CCDC39: variants seen among roughly 807,000 people sequenced by gnomAD.
CCDC39 encodes the protein coiled-coil domain-containing protein 39.
In CCDC39, 113 loss-of-function variants were observed where a neutral mutation model predicts 121.0. The ratio of observed to expected loss-of-function variants is 0.93; its 90% CI spans 0.80 to 1.09. The LOEUF (loss-of-function observed/expected upper bound fraction) is 1.09. Ranked by LOEUF, CCDC39 falls within the 50% of genes least tolerant of loss-of-function variation. The pLI, the probability that CCDC39 is intolerant of heterozygous loss-of-function variation, is 0.00. For missense variants in CCDC39, 1,063 were observed against 1,074.7 expected (o/e 0.99, Z 0.15); for synonymous variants, 349 against 352.2 (o/e 0.99, Z 0.10).
At chr3:180,658,071 T>A (rs1301643891) in intron 6 of CCDC39, among the ~76,000 whole-genome samples, 1 of 149,296 alleles carries the variant, frequency 6.7e-6, no homozygotes, top group Non-Finnish European at 1.5e-5. Context: ...CTGTCTCTAC[T>A]AAAAAAAAAC....
At chr3:180,622,050 A>G (rs1158435524) in intron 14 of CCDC39, among the ~76,000 whole-genome samples, 1 of 152,158 alleles carries the variant, frequency 6.6e-6, no homozygotes, top group Non-Finnish European at 1.5e-5. Flanking sequence ...CTTCCAATCC[A>G]TGAGCATGTA....
At position 180,631,489 on chromosome 3, in the gene CCDC39, G is replaced by A; in HGVS notation, c.1978C>T (p.Gln660Ter). Reference protein sequence around the residue: ...LPPEGEEEKTQAYYVIKAAQE... With the variant: ...LPPEGEEEKT Reference sequence around the variant, plus strand: ...ATTACCTTTATTACATAATAGGCCTGTGTTTTCTCCTCTTCTCCTTCAGGA... The same window carrying A: ...ATTACCTTTATTACATAATAGGCCTATGTTTTCTCCTCTTCTCCTTCAGGA... The change falls in exon 14 of 20, where the codon CAG (glutamine) becomes TAG (stop). Residue 660 changes from glutamine to a stop codon, truncating the protein, a stop_gained. Coordinates refer to ENST00000476379, the MANE Select transcript of CCDC39 (RefSeq NM_181426.2). LOFTEE classifies it high-confidence loss of function. The A allele has an allele frequency of 4.4e-6, 7 of 1,605,952 alleles. No individual in the cohort carries two copies. Among genetic ancestry groups the A allele is most frequent in the Non-Finnish European group, 5.9e-6 (7 of 1,178,752 alleles).
At chr3:180,623,683 T>A (rs1192649180) in intron 14 of CCDC39, among the ~76,000 whole-genome samples, 5 of 152,136 alleles carry the variant, frequency 3.3e-5, no homozygotes, top group African/African-American at 4.8e-5. Flanking sequence ...AAAATTTTTT[T>A]AAATTTCCAT....
intron 12 of CCDC39, 59 bp downstream of exon 12, chr3:180,644,061 C>G (rs956631883): frequency 1.0e-5 from 13 of 1,278,062 alleles, no homozygotes; most frequent in Non-Finnish European, 1.3e-5. Flanking sequence ...TTTCATTTGT[C>G]TACAATTAAC....
At chr3:180,662,732 A>C (rs1159836546) in intron 2 of CCDC39, among the ~76,000 whole-genome samples, 1 of 152,206 alleles carries the variant, frequency 6.6e-6, no homozygotes, top group Non-Finnish European at 1.5e-5. Context: ...CAATTACTCA[A>C]TCACATTGAG....
At chr3:180,647,430 C>T (rs184220966) in intron 10 of CCDC39, among the ~76,000 whole-genome samples, 187 bp from the exon 11 acceptor site, 1 of 152,028 alleles carries the variant, frequency 6.6e-6, no homozygotes, top group Non-Finnish European at 1.5e-5. Context: ...TAAACTATAT[C>T]TCAACAATCA....
chr3:180,679,359 C>T lies in CCDC39; in HGVS notation c.22G>A (p.Glu8Lys). 9 of 1,613,926 alleles carry T rather than the reference C, an allele frequency of 5.6e-6. No individual in the cohort carries two copies. The highest frequency in any genetic ancestry group is 7.6e-6 in the Non-Finnish European group (9 of 1,179,852). The part of the protein sequence containing the change: MSSEFLA[E>K]LHWEDGFAIP... ...GCGAACCCATCCTCCCAGTGCAGCT[C>T]AGCCAGGAATTCGCTACTCATGACT... The change falls in exon 1 of 20, where the codon GAG becomes AAG. Residue 8 changes from glutamate to lysine, a missense_variant. Glu to Lys is a moderately conservative substitution (Grantham distance 56). Coordinates refer to ENST00000476379, the MANE Select transcript of CCDC39 (RefSeq NM_181426.2). This position sits in a 1 kb window ranked among gnomAD's most constrained non-coding sequence, Gnocchi z 4.0.
chr3:180,640,684 G>A (rs1039812322), intron 13 of CCDC39, among the ~76,000 whole-genome samples: 1 of 151,796 alleles, frequency 6.6e-6, no homozygotes, highest in South Asian at 2.1e-4. Flanking sequence ...GATAAATATA[G>A]AAAATTTTTC....
Position 180,616,536 on chromosome 3 carries a change from G to A in CCDC39, c.2566C>T (p.Leu856Phe), listed in dbSNP as rs1196039901. ...ATTACCTGTTGAAAGTATGTTTGAA[G>A]GATAATACGGATCTCAGTATTTTCT... is the stretch of plus-strand genomic sequence containing the variant. ...IEENTEIRII[L>F]QTYFQQSGLE... Residue 856 changes from leucine (L) to phenylalanine (F), a missense_variant, in exon 18 of 20, where the codon CTT becomes TTT. Physicochemically the swap from Leu to Phe is conservative, Grantham distance 22 (BLOSUM62 0). Transcript: ENST00000476379. 2 of 1,572,556 alleles carry A rather than the reference G, an allele frequency of 1.3e-6. No individual in the cohort carries two copies. Among genetic ancestry groups the A allele is most frequent in the African/African-American group, 1.4e-5 (1 of 73,390 alleles).
chr3:180,669,976 C>CT (rs939218088), intron 1 of CCDC39, among the ~76,000 whole-genome samples: 2 of 152,032 alleles, frequency 1.3e-5, no homozygotes, highest in Non-Finnish European at 2.9e-5. Context: ...ATCATTGTTA[C>CT]TTTTTTTCAG....
At chr3:180,627,049 T>C (rs1717580790) in intron 14 of CCDC39, among the ~76,000 whole-genome samples, 1 of 151,798 alleles carries the variant, frequency 6.6e-6, no homozygotes, top group Admixed American at 6.6e-5. Flanking sequence ...GCCAGAGAGG[T>C]TGTGGTTCCT....
At chr3:180,646,686 C>T (rs951777665) in intron 11 of CCDC39, among the ~76,000 whole-genome samples, 3 of 151,982 alleles carry the variant, frequency 2.0e-5, no homozygotes, top group African/African-American at 7.2e-5. Flanking sequence ...AAAACTAGAA[C>T]TTATCAATGT....
chr3:180,616,395 C>A (rs763570030), intron 18 of CCDC39, 32 bp from the exon 19 acceptor site: 10 of 1,566,562 alleles, frequency 6.4e-6, no homozygotes, highest in Non-Finnish European at 8.7e-6. Flanking sequence ...ATCATTAGTA[C>A]TACCTACTGT....
chr3:180,654,063 A>C (rs1711523332), intron 7 of CCDC39, among the ~76,000 whole-genome samples: 1 of 151,516 alleles, frequency 6.6e-6, no homozygotes, highest in Non-Finnish European at 1.5e-5. Context: ...CAAAAAAAAA[A>C]AAACCAGACA....
At position 180,661,908 on chromosome 3, in the gene CCDC39, G is replaced by A. The variant is rs1711751770; in HGVS notation, c.310C>T (p.Leu104=). Residue 104 remains leucine (L), a synonymous_variant, in exon 3 of 20, where the codon CTG becomes TTG. Transcript: ENST00000476379. The part of the protein sequence containing the change: ...LGRVKDEIQR[L]ENEMASILEK... ...AGTATTGAAGCCATCTCATTTTCCA[G>A]CCGTTGAATTTCATCTTTCACTCGT... 6.3e-7 allele frequency: 1 copy of A among 1,587,718 alleles called. No individual in the cohort carries two copies. Among genetic ancestry groups the A allele is most frequent in the Non-Finnish European group, 8.6e-7 (1 of 1,165,288 alleles).
At position 180,616,275 on chromosome 3, in the gene CCDC39, G is replaced by A. The variant is rs57859179; in HGVS notation, c.2669+6C>T. ...TAAGCAGATTTTTTTTTAACCCTCC[G>A]CTTACCTTGCTGATAGTGAAGTATG... On this transcript the variant is annotated splice_donor_region_variant and intron_variant, in intron 19 of 19. Transcript: ENST00000476379. The A allele has an allele frequency of 1.2e-3, 1,963 of 1,612,398 alleles. 18 individuals carry two copies. The African/African-American group carries it at 0.02, about 17-fold the overall frequency.
rs570638105 is a variant in CCDC39, at chr3:180,642,000, T to G, written c.1867A>C (p.Asn623His). 1 of 1,578,556 alleles carries G rather than the reference T, an allele frequency of 6.3e-7. No homozygotes were observed. The highest frequency in any genetic ancestry group is 1.2e-5 in the South Asian group (1 of 83,992). The change falls in exon 13 of 20, where the codon AAC (asparagine) becomes CAC (histidine). Residue 623 changes from asparagine (N) to histidine (H), a missense_variant. Physicochemically the swap from Asn to His is moderately conservative, Grantham distance 68 (BLOSUM62 1). Transcript: ENST00000476379. ...TTTAAAACTGAAAATTACCTTATGT[T>G]TTCCCGTTCTTGATCAACATATCTT... ...QIRYVDQERENISTEFRERLS... is the reference protein window; with the variant it reads ...QIRYVDQEREHISTEFRERLS...
At chr3:180,649,505 T>C (rs1368111629) in intron 9 of CCDC39, among the ~76,000 whole-genome samples, 1 of 152,228 alleles carries the variant, frequency 6.6e-6, no homozygotes, top group Non-Finnish European at 1.5e-5. Context: ...ACAAGAAATA[T>C]AATCTGATAT....
At chr3:180,646,699 T>C (rs557485844) in intron 11 of CCDC39, among the ~76,000 whole-genome samples, 1 of 152,226 alleles carries the variant, frequency 6.6e-6, no homozygotes, top group African/African-American at 2.4e-5. Context: ...ATCAATGTTC[T>C]AAACAGTGTA....
Sources: gnomAD v4.1 joint callset for allele counts (sites outside exome capture counted in the v4.1 genomes callset) on GRCh38, gnomAD v4.1.1 for gene constraint, Gnocchi (gnomAD v3.1) non-coding constraint, MANE v1.5 for transcripts, NCBI Gene and HGNC (gene_info 2026-07-23, HGNC 2026-07-21) for gene names.